METTL15: variants seen among roughly 807,000 people sequenced by gnomAD.
METTL15 encodes methyltransferase 15, mitochondrial 12S rRNA N4-cytidine.
In METTL15, 34 loss-of-function variants were observed where a neutral mutation model predicts 38.3. The ratio of observed to expected loss-of-function variants is 0.89; its 90% confidence interval spans 0.68 to 1.18. The LOEUF (loss-of-function observed/expected upper bound fraction) is 1.18, where lower values mean the gene tolerates loss of function less well. Ranked by LOEUF, METTL15 falls within the 50% of genes most tolerant of loss-of-function variation. METTL15 has a pLI of 0.00. For missense variants in METTL15, 438 were observed against 498.4 expected (o/e 0.88, Z 1.15); for synonymous variants, 162 against 170.9 (o/e 0.95, Z 0.41).
At chr11:28,366,738 G>A (rs1021335260) in intron 5 of METTL15, among the ~76,000 whole-genome samples, 2 of 152,170 alleles carry the variant, frequency 1.3e-5, no homozygotes, top group East Asian at 1.9e-4. Context: ...GGGCTAAATT[G>A]GCGCAGCATG....
At chr11:28,351,799 G>A (rs144196243) in intron 3 of METTL15, among the ~76,000 whole-genome samples, 1 of 152,188 alleles carries the variant, frequency 6.6e-6, no homozygotes, top group Non-Finnish European at 1.5e-5. Context: ...GTATTGACAG[G>A]TCTTAAAGAA....
In METTL15 at chr11:28,226,222, T is replaced by C. The variant is rs77271404; in HGVS notation, c.407+15024T>C. 6.7e-3 allele frequency among the ~76,000 whole-genome samples: 1,020 copies of C among 152,068 alleles called. 8 individuals are homozygous for C. The highest frequency in any genetic ancestry group is 0.013 in the South Asian group (64 of 4,832). On this transcript the variant is annotated intron_variant, in intron 4 of 6. Coordinates refer to ENST00000407364, the MANE Select transcript of METTL15 (RefSeq NM_001113528.2). ...GTGTGAGTGGAACATTCTTAACCTT[T>C]TTCCTAACTCACTCCACTGCCTTGA... is the stretch of plus-strand genomic sequence containing the variant.
intron 4 of METTL15, among the ~76,000 whole-genome samples, chr11:28,283,064 A>C (rs1478372738): frequency 1.3e-5 from 2 of 152,160 alleles, no homozygotes; most frequent in Non-Finnish European, 2.9e-5. Context: ...TGTGCTTGAG[A>C]TTAAAGATGT....
At chr11:28,255,436 G>A (rs1854932059) in intron 4 of METTL15, among the ~76,000 whole-genome samples, 1 of 151,980 alleles carries the variant, frequency 6.6e-6, no homozygotes, top group African/African-American at 2.4e-5. Context: ...GATGCTCTTT[G>A]TTTCTTTCTT....
intron 4 of METTL15, among the ~76,000 whole-genome samples, chr11:28,216,691 C>A (rs1482981761): frequency 2.7e-5 from 4 of 149,446 alleles, no homozygotes; most frequent in African/African-American, 9.9e-5. Flanking sequence ...AGGTATATCT[C>A]CAAATGCTAT....
intron 6 of METTL15, among the ~76,000 whole-genome samples, chr11:28,318,917 G>A (rs1407319668): frequency 1.3e-5 from 2 of 152,266 alleles, no homozygotes; most frequent in African/African-American, 4.8e-5. Flanking sequence ...TATCAAGAAA[G>A]CAGATGAAAA....
At chr11:28,217,930 G>T (rs960316746) in intron 4 of METTL15, among the ~76,000 whole-genome samples, 2 of 152,030 alleles carry the variant, frequency 1.3e-5, no homozygotes, top group African/African-American at 2.4e-5. Flanking sequence ...CTCTGTTTTG[G>T]TACCAGTACC....
At chr11:28,263,639 G>A (rs1306729139) in intron 4 of METTL15, among the ~76,000 whole-genome samples, 1 of 151,898 alleles carries the variant, frequency 6.6e-6, no homozygotes, top group African/African-American at 2.4e-5. Flanking sequence ...CTCAGTTTCT[G>A]GAACTTAATA....
intron 6 of METTL15, among the ~76,000 whole-genome samples, chr11:28,298,567 G>A (rs1055037223): frequency 5.3e-5 from 8 of 151,894 alleles, no homozygotes; most frequent in Admixed American, 2.6e-4. Context: ...GTAAACTTGC[G>A]GAAATAACAC....
chr11:28,279,072 C>T (rs1855949736), intron 4 of METTL15, among the ~76,000 whole-genome samples: 2 of 152,322 alleles, frequency 1.3e-5, no homozygotes, highest in Non-Finnish European at 1.5e-5. Context: ...AACAATGCTT[C>T]TGCCTCGGCC....
At chr11:28,148,190 G>A (rs905727304) in intron 3 of METTL15, among the ~76,000 whole-genome samples, 1 of 151,802 alleles carries the variant, frequency 6.6e-6, no homozygotes, top group African/African-American at 2.4e-5. Flanking sequence ...TTATTAACTG[G>A]ATGTTTAGAG....
At chr11:28,306,893 A>G (rs1391870819) in intron 6 of METTL15, among the ~76,000 whole-genome samples, 1 of 151,922 alleles carries the variant, frequency 6.6e-6, no homozygotes, top group Admixed American at 6.6e-5. Context: ...TATATATTGT[A>G]TCTTTTGCTT....
chr11:28,507,013 G>A (rs1237616153), intron 6 of METTL15, among the ~76,000 whole-genome samples: 1 of 152,102 alleles, frequency 6.6e-6, no homozygotes, highest in Non-Finnish European at 1.5e-5. Flanking sequence ...CCAAAGTGCT[G>A]GAATTATAGG....
chr11:28,523,804 G>A (rs1851786827), intron 6 of METTL15, among the ~76,000 whole-genome samples: 2 of 152,206 alleles, frequency 1.3e-5, no homozygotes, highest in African/African-American at 4.8e-5. Context: ...ATAACTTGAA[G>A]GCAGAAAATG....
intron 6 of METTL15, among the ~76,000 whole-genome samples, chr11:28,425,540 C>A (rs1467904530): frequency 1.3e-5 from 2 of 152,156 alleles, no homozygotes; most frequent in African/African-American, 4.8e-5. Context: ...TGTTCTTTCC[C>A]CTTCCTCTCC....
At chr11:28,206,210 A>G (rs1852335214) in intron 3 of METTL15, among the ~76,000 whole-genome samples, 2 of 151,444 alleles carry the variant, frequency 1.3e-5, no homozygotes, top group Admixed American at 6.6e-5. Context: ...GGTAATGCCT[A>G]GGTTTTCTTC....
chr11:28,305,505 G>T (rs752062930), intron 6 of METTL15, among the ~76,000 whole-genome samples: 2 of 152,138 alleles, frequency 1.3e-5, no homozygotes, highest in African/African-American at 4.8e-5. Flanking sequence ...AGTATAAAAA[G>T]ATTAGGTTAC....
At position 28,121,990 on chromosome 11, in the gene METTL15, C is replaced by A. The variant is rs533501863; in HGVS notation, c.270+8386C>A. Among the ~76,000 whole-genome samples, 5 of 151,990 alleles carry A rather than the reference C, an allele frequency of 3.3e-5. No homozygotes were observed. The East Asian group carries it at 5.8e-4, about 18-fold the overall frequency. On this transcript the variant is annotated intron_variant, in intron 3 of 6. Coordinates refer to ENST00000407364, the MANE Select transcript of METTL15 (RefSeq NM_001113528.2). ...TCAAAGTAAATGCAGAACTACTAGA[C>A]AACAATTAAATGTTGAATTCTTATA...
chr11:28,194,608 T>G (rs1851841429), intron 3 of METTL15, among the ~76,000 whole-genome samples: 1 of 152,046 alleles, frequency 6.6e-6, no homozygotes, highest in South Asian at 2.1e-4. Context: ...CATTTTTTAA[T>G]AAGGAAAATA....
Sources: allele counts gnomAD v4.1 joint callset (sites outside exome capture counted in the v4.1 genomes callset), GRCh38; gene constraint gnomAD v4.1.1; transcripts MANE v1.5; gene names NCBI Gene and HGNC (gene_info 2026-07-23, HGNC 2026-07-21).